Variants in SHISA9 observed in about 807,000 individuals in gnomAD.
SHISA9 encodes the protein shisa family member 9, also known as protein shisa-9.
Under a neutral mutation model 38.0 loss-of-function variants are expected in SHISA9, and 13 were observed. The observed-to-expected ratio is 0.34, with a 90% confidence interval of 0.22 to 0.54. The LOEUF (loss-of-function observed/expected upper bound fraction) is 0.54. Among genes scored for constraint, SHISA9 ranks in the 20% least tolerant of loss-of-function variants. The pLI, the probability that SHISA9 is intolerant of heterozygous loss-of-function variation, is 0.91. For synonymous variants in SHISA9, 275 were observed against 242.0 expected, an observed-to-expected ratio of 1.14 and a Z score of -1.27; for missense variants, 538 against 575.8, an observed-to-expected ratio of 0.93 and a Z score of 0.67.
At chr16:13,534,417 G>A in the SHISA9 span, among the ~76,000 whole-genome samples, 8 of 152,016 alleles carry the variant, frequency 5.3e-5, no homozygotes, top group Non-Finnish European at 1.2e-4. Context: ...TAGAGATGGA[G>A]TTTCACCATG....
intron 2 of SHISA9, among the ~76,000 whole-genome samples, chr16:12,946,865 T>G (rs113867100): frequency 2.3e-4 from 35 of 152,364 alleles, no homozygotes; most frequent in African/African-American, 8.4e-4. Context: ...ATGGGGGAAT[T>G]CCTGCTTGCC....
At chr16:13,415,535 A>G in the SHISA9 span, among the ~76,000 whole-genome samples, 1 of 152,312 alleles carries the variant, frequency 6.6e-6, no homozygotes, top group African/African-American at 2.4e-5. Context: ...ACAAACTCCC[A>G]TTACATAAGT....
At chr16:13,346,676 G>A in the SHISA9 span, among the ~76,000 whole-genome samples, 1 of 152,108 alleles carries the variant, frequency 6.6e-6, no homozygotes, top group Non-Finnish European at 1.5e-5. Context: ...ACTAAAAATA[G>A]AACTATCATT....
chr16:13,247,156 A>G, the SHISA9 span, among the ~76,000 whole-genome samples: 23 of 152,118 alleles, frequency 1.5e-4, no homozygotes, highest in African/African-American at 5.3e-4. Flanking sequence ...CAAAGAGGAA[A>G]TGCCACACTT....
At chr16:13,545,444 A>G in the SHISA9 span, among the ~76,000 whole-genome samples, 2 of 152,220 alleles carry the variant, frequency 1.3e-5, no homozygotes, top group Non-Finnish European at 2.9e-5. Flanking sequence ...AGCTAAAACA[A>G]GTGGGGGCTT....
chr16:12,909,823 C>T (rs898384894), intron 1 of SHISA9: 1 of 152,824 alleles, frequency 6.5e-6, no homozygotes, highest in African/African-American at 2.4e-5. Flanking sequence ...TCCATTATCC[C>T]TCTCCTTCCC....
chr16:13,357,307 A>G, the SHISA9 span, among the ~76,000 whole-genome samples: 3 of 152,170 alleles, frequency 2.0e-5, no homozygotes, highest in African/African-American at 7.2e-5. Flanking sequence ...TCTACTAGAA[A>G]ATGAAAGGAA....
At chr16:13,393,193 G>A in the SHISA9 span, among the ~76,000 whole-genome samples, 1 of 152,136 alleles carries the variant, frequency 6.6e-6, no homozygotes, top group African/African-American at 2.4e-5. Context: ...TCCACTGTTG[G>A]GGGATTGAAA....
chr16:13,164,188 A>G (rs553973258), intron 2 of SHISA9, among the ~76,000 whole-genome samples: 1 of 152,028 alleles, frequency 6.6e-6, no homozygotes, highest in South Asian at 2.1e-4. Context: ...AAGTTTTTTT[A>G]TTGGTGATAC....
chr16:13,467,680 C>G, the SHISA9 span, among the ~76,000 whole-genome samples: 4 of 152,218 alleles, frequency 2.6e-5, no homozygotes, highest in Non-Finnish European at 5.9e-5. Flanking sequence ...GAGAATGGAT[C>G]TCTAATGATA....
chr16:13,379,398 A>C, the SHISA9 span, among the ~76,000 whole-genome samples: 1 of 152,168 alleles, frequency 6.6e-6, no homozygotes, highest in African/African-American at 2.4e-5. Flanking sequence ...AGTACAGCTG[A>C]CAATTTTCCC....
chr16:13,105,228 G>A (rs2073914966), intron 2 of SHISA9, among the ~76,000 whole-genome samples: 3 of 152,074 alleles, frequency 2.0e-5, no homozygotes, highest in South Asian at 2.1e-4. Context: ...AGGAGTATAC[G>A]GCTAGCAAAA....
At chr16:12,916,011 G>GTTTTTTT (rs34050190) in intron 1 of SHISA9, among the ~76,000 whole-genome samples, 15 of 90,444 alleles carry the variant, frequency 1.7e-4, no homozygotes, top group African/African-American at 3.8e-4. Flanking sequence ...GTGTGTGTGT[G>GTTTTTTT]TTTTTTTTTT....
At chr16:12,904,341 TAA>T (rs986943579) in intron 1 of SHISA9, among the ~76,000 whole-genome samples, 3 of 152,098 alleles carry the variant, frequency 2.0e-5, no homozygotes, top group Non-Finnish European at 4.4e-5. Context: ...AACCAGCTCT[TAA>T]AAGAGTCCTC....
intron 2 of SHISA9, among the ~76,000 whole-genome samples, chr16:12,940,858 A>T (rs1419701272): frequency 6.6e-6 from 1 of 152,192 alleles, no homozygotes; most frequent in African/African-American, 2.4e-5. Context: ...ATCACTGTGT[A>T]GATGAAATGG....
At chr16:12,913,107 G>A (rs2071208211) in intron 1 of SHISA9, among the ~76,000 whole-genome samples, 1 of 152,114 alleles carries the variant, frequency 6.6e-6, no homozygotes, top group South Asian at 2.1e-4. Context: ...TTTAAAAAGT[G>A]TACTTTAAAA....
the SHISA9 span, among the ~76,000 whole-genome samples, chr16:13,433,659 A>G: frequency 6.6e-6 from 1 of 152,224 alleles, no homozygotes; most frequent in Non-Finnish European, 1.5e-5. Context: ...ATATTAATAT[A>G]ACACAAAAGG....
At chr16:13,155,003 A>G (rs1175923343) in intron 2 of SHISA9, among the ~76,000 whole-genome samples, 1 of 152,224 alleles carries the variant, frequency 6.6e-6, no homozygotes, top group Non-Finnish European at 1.5e-5. Context: ...ATGATGAAAT[A>G]CTTCCTGTAG....
chr16:13,219,251 C>T (rs904164568), intron 4 of SHISA9, among the ~76,000 whole-genome samples: 2 of 152,206 alleles, frequency 1.3e-5, no homozygotes, highest in African/African-American at 4.8e-5. Flanking sequence ...AGATCCTGTT[C>T]ATTCCAAAGC....
Sources: gnomAD v4.1 joint callset for allele counts (sites outside exome capture counted in the v4.1 genomes callset) on GRCh38, gnomAD v4.1.1 for gene constraint, MANE v1.5 for transcripts, NCBI Gene and HGNC (gene_info 2026-07-23, HGNC 2026-07-21) for gene names.